Variants in C3orf20 observed in about 807,000 individuals in gnomAD.
C3orf20 encodes the protein uncharacterized protein C3orf20.
In C3orf20, 76 loss-of-function variants were observed where a neutral mutation model predicts 88.3. The ratio of observed to expected loss-of-function variants is 0.86; its 90% CI spans 0.72 to 1.04. The LOEUF is 1.04. C3orf20 is among the 50% of genes least tolerant of loss of function. The probability of loss-of-function intolerance (pLI) is 0.00; values close to 1 mark genes in which losing one functional copy is unlikely to be tolerated. For missense variants in C3orf20, 1,056 were observed against 1,123.3 expected (o/e 0.94, Z 0.86); for synonymous variants, 436 against 437.4 (o/e 1.00, Z 0.04).
chr3:14,762,751 C>T (rs1220983952), intron 15 of C3orf20, among the ~76,000 whole-genome samples: 2 of 152,160 alleles, frequency 1.3e-5, no homozygotes, highest in African/African-American at 2.4e-5. Context: ...CCTGTGACTG[C>T]ACCCCCACAG....
intron 5 of C3orf20, among the ~76,000 whole-genome samples, chr3:14,697,479 A>T (rs902337591): frequency 6.6e-6 from 1 of 152,028 alleles, no homozygotes; most frequent in Non-Finnish European, 1.5e-5. Context: ...ATTCCTCAGT[A>T]TATCAATTGC....
At chr3:14,703,388 C>A in intron 6 of C3orf20, 126 bp downstream of exon 6, 2 of 1,478,408 alleles carry the variant, frequency 1.4e-6, no homozygotes, top group South Asian at 1.3e-5. Flanking sequence ...CACCTGGGAG[C>A]GTGGGTTATG....
In C3orf20 at chr3:14,757,378, G is replaced by A; in HGVS notation, c.1948G>A (p.Ala650Thr). Residue 650 changes from alanine to threonine, a missense_variant, in exon 13 of 17, where the codon GCC becomes ACC. Coordinates refer to ENST00000253697, the MANE Select transcript of C3orf20 (RefSeq NM_032137.5). ...TKAKVTSRGK[A>T]REGRSPTRWA... ...CTGTGCTCCTCCTTGCAGAGGGAAG[G>A]CCCGCGAGGGGCGCAGCCCCACCAG... is the stretch of plus-strand genomic sequence containing the variant. The A allele has an allele frequency of 6.2e-7, 1 of 1,610,776 alleles. No individual in the cohort carries two copies. Among genetic ancestry groups the A allele is most frequent in the African/African-American group, 1.3e-5 (1 of 74,978 alleles).
Position 14,689,975 on chromosome 3 carries a change from ATC to A in C3orf20, c.626-11_626-10del, listed in dbSNP as rs144480539. On this transcript the variant is annotated intron_variant, in intron 4 of 16. Transcript: ENST00000253697. Reference sequence around the variant, plus strand: ...TTAAAAGTAAACAGTTGAAAGAAGAATCTCTCTCTCTCCCACTCCAGAGTCCC... The same window carrying A: ...TTAAAAGTAAACAGTTGAAAGAAGAATCTCTCTCTCCCACTCCAGAGTCCC... 65 of 1,612,660 alleles carry A rather than the reference ATC, an allele frequency of 4.0e-5. No homozygotes were observed. In the South Asian group the frequency reaches 6.7e-4, roughly 17 times the overall value.
At chr3:14,676,240 G>A (rs1225765813) in intron 1 of C3orf20, among the ~76,000 whole-genome samples, 1 of 151,602 alleles carries the variant, frequency 6.6e-6, no homozygotes, top group East Asian at 1.9e-4. Context: ...AAATACAAGA[G>A]TGGACCTTGC....
At chr3:14,684,763 C>T (rs747035518) in intron 4 of C3orf20, among the ~76,000 whole-genome samples, 1 of 152,270 alleles carries the variant, frequency 6.6e-6, no homozygotes, top group South Asian at 2.1e-4. Flanking sequence ...GCACAGGCCT[C>T]TCAGTGCTCA....
intron 12 of C3orf20, among the ~76,000 whole-genome samples, chr3:14,730,761 C>T (rs964476777): frequency 6.6e-6 from 1 of 152,194 alleles, no homozygotes. Flanking sequence ...TCTGCTCCCA[C>T]CAGCAGTGTG....
In C3orf20 at chr3:14,703,174, C is replaced by T. The variant is rs781491025; in HGVS notation, c.790C>T (p.Arg264Ter). Residue 264 changes from arginine to a stop codon, truncating the protein, a stop_gained, in exon 6 of 17, where the codon CGA becomes TGA. Transcript: ENST00000253697. LOFTEE classifies it high-confidence loss of function. ...TEDVSMPPLH[R>*]GVGTPANSLE... ...AGATGTCAGCATGCCGCCCCTGCAT[C>T]GAGGAGTGGGAACCCCTGCCAACAG... 29 of 1,614,060 alleles carry T rather than the reference C, an allele frequency of 1.8e-5. No individual in the cohort carries two copies. The highest frequency in any genetic ancestry group is 1.7e-5 in the Admixed American group (1 of 60,002).
chr3:14,724,310 T>C (rs1442785612), intron 10 of C3orf20, among the ~76,000 whole-genome samples: 2 of 152,222 alleles, frequency 1.3e-5, no homozygotes, highest in Admixed American at 6.5e-5. Flanking sequence ...ACCTCTTGTC[T>C]GATTATCTCT....
At chr3:14,682,477 G>C (rs781115258) in intron 2 of C3orf20, 101 bp from the exon 3 acceptor site, 53 of 545,038 alleles carry the variant, frequency 9.7e-5, no homozygotes, top group Non-Finnish European at 1.2e-4. Flanking sequence ...CACTAACATT[G>C]GTCTCTCTGA....
chr3:14,743,465 G>A (rs950831524), intron 12 of C3orf20, among the ~76,000 whole-genome samples: 1 of 151,914 alleles, frequency 6.6e-6, no homozygotes, highest in Non-Finnish European at 1.5e-5. Context: ...ACGTTGAGTG[G>A]CTTTTCCAGG....
At chr3:14,720,172 G>A (rs988347850) in intron 9 of C3orf20, among the ~76,000 whole-genome samples, 4 of 152,142 alleles carry the variant, frequency 2.6e-5, no homozygotes, top group African/African-American at 9.7e-5. Flanking sequence ...TGGGACTACA[G>A]GTGTCTGCCA....
At chr3:14,761,662 G>A (rs1575162378) in intron 15 of C3orf20, 47 bp downstream of exon 15, 2 of 1,608,880 alleles carry the variant, frequency 1.2e-6, no homozygotes, top group Middle Eastern at 1.7e-4. Flanking sequence ...GGGGAGGTAT[G>A]GAGGGCAGAA....
intron 10 of C3orf20, among the ~76,000 whole-genome samples, chr3:14,723,600 G>C (rs2034240350): frequency 6.6e-6 from 1 of 152,150 alleles, no homozygotes; most frequent in African/African-American, 2.4e-5. Context: ...GCTAGGAGAG[G>C]AAGAGAGGAA....
At chr3:14,759,310 A>T (rs1429849577) in intron 13 of C3orf20, among the ~76,000 whole-genome samples, 1 of 152,202 alleles carries the variant, frequency 6.6e-6, no homozygotes, top group African/African-American at 2.4e-5. Flanking sequence ...GGAAGACAGC[A>T]CATTGGCTGT....
chr3:14,679,759 T>G (rs1344782), intron 1 of C3orf20, among the ~76,000 whole-genome samples: 124,269 of 152,168 alleles, frequency 0.82, 51,776 homozygotes, highest in Non-Finnish European at 0.91. Context: ...TAGTCACATG[T>G]TCACCTCTGA....
At chr3:14,765,447 C>G (rs1180296695) in intron 15 of C3orf20, 1 of 152,292 alleles carries the variant, frequency 6.6e-6, no homozygotes, top group East Asian at 1.9e-4. Context: ...GCAAGGGAGT[C>G]TGCAGTGCCA....
chr3:14,722,167 G>T (rs1490059456), intron 10 of C3orf20: 2 of 281,182 alleles, frequency 7.1e-6, no homozygotes, highest in Non-Finnish European at 1.4e-5. Context: ...TCATTCTCAA[G>T]GAGTTTCTCT....
chr3:14,727,399 A>C (rs1418890520), intron 11 of C3orf20, among the ~76,000 whole-genome samples: 1 of 151,952 alleles, frequency 6.6e-6, no homozygotes, highest in Non-Finnish European at 1.5e-5. Context: ...CCCATCATCC[A>C]TCTGGAGCCC....
Sources: allele counts gnomAD v4.1 joint callset (sites outside exome capture counted in the v4.1 genomes callset), GRCh38; gene constraint gnomAD v4.1.1; transcripts MANE v1.5; gene names NCBI Gene and HGNC (gene_info 2026-07-23, HGNC 2026-07-21).